Variants in CALN1 observed in about 807,000 individuals in gnomAD.
The protein encoded by CALN1 is calcium-binding protein 8.
CALN1 carries 17 observed loss-of-function variants against 30.6 expected under a neutral mutation model. The observed-to-expected ratio is 0.56, with a 90% confidence interval of 0.38 to 0.83. The LOEUF is 0.83. Among genes scored for constraint, CALN1 ranks in the 40% least tolerant of loss-of-function variants. The pLI is 0.00. For missense variants in CALN1, 291 were observed against 354.9 expected (o/e 0.82, Z 1.45); for synonymous variants, 156 against 131.4 (o/e 1.19, Z -1.28).
At chr7:72,245,096 A>G (rs1795071963) in intron 3 of CALN1, among the ~76,000 whole-genome samples, 1 of 152,154 alleles carries the variant, frequency 6.6e-6, no homozygotes, top group Admixed American at 6.5e-5. Context: ...TTGGAGGAAA[A>G]TATTCAAATG....
intron 1 of CALN1, among the ~76,000 whole-genome samples, chr7:72,425,383 G>A (rs1465258740): frequency 6.6e-6 from 1 of 152,180 alleles, no homozygotes; most frequent in Non-Finnish European, 1.5e-5. Context: ...CAAAGTGCAG[G>A]GATTACAGGC....
intron 2 of CALN1, among the ~76,000 whole-genome samples, chr7:72,344,980 T>G (rs1007893939): frequency 2.7e-5 from 4 of 147,094 alleles, no homozygotes; most frequent in African/African-American, 9.9e-5. Context: ...TATATAAATA[T>G]TTATAAAAAT....
intron 5 of CALN1, among the ~76,000 whole-genome samples, chr7:71,923,334 C>T (rs564507476): frequency 9.9e-5 from 15 of 152,268 alleles, no homozygotes; most frequent in African/African-American, 3.4e-4. Context: ...CCTATAAAAA[C>T]ACAGATATAA....
At chr7:72,432,370 C>G (rs142473552) in intron 1 of CALN1, among the ~76,000 whole-genome samples, 2,721 of 152,236 alleles carry the variant, frequency 0.018, 70 homozygotes, top group African/African-American at 0.062. Context: ...TTGGATATGT[C>G]TTTATTAGCA....
chr7:72,408,970 A>T (rs1806905277), intron 1 of CALN1, among the ~76,000 whole-genome samples: 1 of 151,382 alleles, frequency 6.6e-6, no homozygotes, highest in Admixed American at 6.6e-5. Context: ...GAGCCACCAC[A>T]CCTGGCCCCA....
At chr7:72,361,935 T>C (rs1803596364) in intron 2 of CALN1, among the ~76,000 whole-genome samples, 1 of 139,746 alleles carries the variant, frequency 7.2e-6, no homozygotes, top group Non-Finnish European at 1.7e-5. Flanking sequence ...TTTAAGATCA[T>C]ATGACACATT....
At chr7:72,332,747 T>C (rs1801759514) in intron 2 of CALN1, among the ~76,000 whole-genome samples, 1 of 152,078 alleles carries the variant, frequency 6.6e-6, no homozygotes, top group African/African-American at 2.4e-5. Flanking sequence ...TAGCCAGACT[T>C]AGTTTCTGTT....
chr7:72,071,781 A>G (rs969530532), intron 4 of CALN1, among the ~76,000 whole-genome samples: 1 of 152,228 alleles, frequency 6.6e-6, no homozygotes, highest in Admixed American at 6.5e-5. Context: ...AAATCAACAA[A>G]AACTGTCTTT....
rs539716544 is a variant in CALN1 at position 72,255,397 on chromosome 7, T to C, written c.244+23289A>G. ...GCCACCACACCCAGCCTTTTTTCTTTTCTTTTCTTTTTTTATTATTATTGT... is the reference window on the plus strand; with the variant it reads ...GCCACCACACCCAGCCTTTTTTCTTCTCTTTTCTTTTTTTATTATTATTGT... On this transcript the variant is annotated intron_variant, in intron 3 of 6. Transcript: ENST00000395275. Among the ~76,000 whole-genome samples the C allele has an allele frequency of 7.9e-3, 502 of 63,902 alleles. 12 individuals carry two copies. The highest frequency in any genetic ancestry group is 0.063 in the Admixed American group (419 of 6,624). The allele number at this position is 63,902 out of a possible 152,430, so 41.9% of individuals were successfully genotyped here. A position where few individuals can be genotyped will look rare whatever the true frequency, so the allele number is the denominator to read the frequency against.
At chr7:72,148,235 G>T (rs1403146362) in intron 3 of CALN1, among the ~76,000 whole-genome samples, 1 of 147,516 alleles carries the variant, frequency 6.8e-6, no homozygotes, top group East Asian at 2.0e-4. Flanking sequence ...CCATCCCACA[G>T]TAATGAGTTC....
intron 2 of CALN1, among the ~76,000 whole-genome samples, chr7:72,357,538 G>C (rs1803306899): frequency 6.6e-6 from 1 of 151,804 alleles, no homozygotes; most frequent in Non-Finnish European, 1.5e-5. Flanking sequence ...GGGCTGCCTT[G>C]ATCTTACCAT....
At chr7:72,308,104 C>T (rs775505217) in intron 2 of CALN1, among the ~76,000 whole-genome samples, 4 of 152,148 alleles carry the variant, frequency 2.6e-5, no homozygotes, top group Non-Finnish European at 5.9e-5. Context: ...TGGCTCACAC[C>T]TGTAATCCCA....
At chr7:72,185,676 AGGGAC>A (rs1790136769) in intron 3 of CALN1, among the ~76,000 whole-genome samples, 1 of 152,134 alleles carries the variant, frequency 6.6e-6, no homozygotes, top group Non-Finnish European at 1.5e-5. Context: ...GTGTTGTGGG[AGGGAC>A]ACAGTGGGAG....
intron 4 of CALN1, among the ~76,000 whole-genome samples, chr7:72,094,803 G>A (rs916718042): frequency 1.3e-5 from 2 of 152,136 alleles, no homozygotes; most frequent in Non-Finnish European, 2.9e-5. Context: ...CCAAAACAAT[G>A]AGAAACCTAA....
intron 3 of CALN1, among the ~76,000 whole-genome samples, chr7:72,141,433 G>C (rs996373042): frequency 1.3e-5 from 2 of 152,050 alleles, no homozygotes; most frequent in Non-Finnish European, 2.9e-5. Flanking sequence ...AACCCAGTCT[G>C]TACTAAAAAT....
rs1012850463 is a variant in CALN1 at position 72,053,631 on chromosome 7, G to C, written c.389-29862C>G. Among the ~76,000 whole-genome samples, 9 of 96,974 alleles carry C rather than the reference G, an allele frequency of 9.3e-5. No homozygotes were observed. The South Asian group carries it at 5.2e-3, about 56-fold the overall frequency. 63.6% of individuals were successfully genotyped at this position (96,974 alleles called of 152,430 possible). On this transcript the variant is annotated intron_variant, in intron 4 of 6. Coordinates refer to ENST00000395275, the MANE Select transcript of CALN1 (RefSeq NM_031468.4). ...GTTTTCTTTCGCAATCTTTATCAAA[G>C]TTTATCTATTTTTTTTATTTTATTT...
intron 2 of CALN1, among the ~76,000 whole-genome samples, chr7:72,392,204 T>A (rs994607283): frequency 6.6e-6 from 1 of 152,122 alleles, no homozygotes; most frequent in Non-Finnish European, 1.5e-5. Context: ...GCACCTGACA[T>A]GGAAGTGATC....
chr7:72,232,124 C>T (rs903987681), intron 3 of CALN1, among the ~76,000 whole-genome samples: 8 of 152,146 alleles, frequency 5.3e-5, no homozygotes, highest in Non-Finnish European at 1.2e-4. Flanking sequence ...CACAGTGACA[C>T]CATTCTAGGG....
chr7:72,355,733 A>T (rs1278572879), intron 2 of CALN1, among the ~76,000 whole-genome samples: 1 of 152,186 alleles, frequency 6.6e-6, no homozygotes, highest in Non-Finnish European at 1.5e-5. Context: ...GAACAGAAAA[A>T]AACAATCTGT....
Sources: gnomAD v4.1 joint callset for allele counts (sites outside exome capture counted in the v4.1 genomes callset) on GRCh38, gnomAD v4.1.1 for gene constraint, MANE v1.5 for transcripts, NCBI Gene and HGNC (gene_info 2026-07-23, HGNC 2026-07-21) for gene names.